The following ABCB1 variants were observed in gnomAD, a reference collection of about 807,000 sequenced individuals.
The protein encoded by ABCB1 is ATP binding cassette subfamily B member 1.
In ABCB1, 69 loss-of-function variants were observed where a neutral mutation model predicts 142.0. That is an observed-to-expected ratio of 0.49 (90% CI 0.40 to 0.59). The LOEUF is 0.59. Ranked by LOEUF, ABCB1 falls within the 20% of genes least tolerant of loss-of-function variation. ABCB1 has a pLI of 0.00. For synonymous variants in ABCB1, 532 were observed against 539.2 expected, an observed-to-expected ratio of 0.99 and a Z score of 0.18; for missense variants, 1,326 against 1,554.7, an observed-to-expected ratio of 0.85 and a Z score of 2.47.
At chr7:87,679,653 G>A (rs1237585874) in intron 1 of ABCB1, among the ~76,000 whole-genome samples, 1 of 150,250 alleles carries the variant, frequency 6.7e-6, no homozygotes, top group Non-Finnish European at 1.5e-5. Flanking sequence ...GCCTTTCAAA[G>A]TGCTGAGATT....
chr7:87,640,186 A>G (rs928887217), intron 1 of ABCB1, among the ~76,000 whole-genome samples: 1 of 148,536 alleles, frequency 6.7e-6, no homozygotes, highest in Non-Finnish European at 1.5e-5. Context: ...ACTTATATAT[A>G]TATGTGTATA....
At chr7:87,646,787 G>T (rs1823047165) in intron 1 of ABCB1, among the ~76,000 whole-genome samples, 1 of 152,112 alleles carries the variant, frequency 6.6e-6, no homozygotes, top group Admixed American at 6.5e-5. Context: ...ATGGACGTAG[G>T]AAATAAAAGT....
At position 87,503,896 on chromosome 7, in the gene ABCB1, T is replaced by C. The variant is rs1476471625; in HGVS notation, c.*347A>G. On this transcript the variant is annotated 3_prime_UTR_variant, in exon 28 of 28. Transcript: ENST00000622132. ...AAGTTTAGTTTTATTATAGACACTT[T>C]ATGCAAACATTTCAATACTTTTTGC... is the stretch of plus-strand genomic sequence containing the variant. The C allele has an allele frequency of 2.8e-5, 9 of 326,076 alleles. No individual in the cohort carries two copies. Among genetic ancestry groups the C allele is most frequent in the African/African-American group, 1.9e-4 (9 of 47,016 alleles). The allele number at this position is 326,076 out of a possible 1,614,324, so 20.2% of individuals were successfully genotyped here. A position where few individuals can be genotyped will look rare whatever the true frequency, so the allele number is the denominator to read the frequency against.
In ABCB1 at chr7:87,506,164, A is replaced by G. The variant is rs28401819; in HGVS notation, c.3490-121T>C. On this transcript the variant is annotated intron_variant, in intron 26 of 27. Coordinates refer to ENST00000622132, the MANE Select transcript of ABCB1 (RefSeq NM_001348946.2). ...AAAAATTTAGGTTCAGAAGCTAAGA[A>G]TGGTTCATGAATAATTAAGGAAAGA... 1,972 of 978,212 alleles carry G rather than the reference A, an allele frequency of 2.0e-3. 22 individuals are homozygous for G. The African/African-American group carries it at 0.026, about 13-fold the overall frequency. The allele number at this position is 978,212 out of a possible 1,614,324, so 60.6% of individuals were successfully genotyped here. A position where few individuals can be genotyped will look rare whatever the true frequency, so the allele number is the denominator to read the frequency against.
intron 15 of ABCB1, among the ~76,000 whole-genome samples, 185 bp from the exon 16 acceptor site, chr7:87,545,184 A>G (rs1816720608): frequency 6.6e-6 from 1 of 152,108 alleles, no homozygotes; most frequent in South Asian, 2.1e-4. Context: ...GTGATATTTG[A>G]AAACGAAAAC....
At position 87,659,994 on chromosome 7, in the gene ABCB1, C is replaced by G. The variant is rs28381748; in HGVS notation, c.-331+53167G>C. On this transcript the variant is annotated intron_variant, in intron 1 of 28. Coordinates refer to the ABCB1 transcript ENST00000265724. ...TCATATATTGTTTTAATCTACTTTG[C>G]CAGATTTAGGATTTCGGTTTGATAA... 1.4e-3 allele frequency among the ~76,000 whole-genome samples: 218 copies of G among 152,108 alleles called. 2 individuals are homozygous for G. Among genetic ancestry groups the G allele is most frequent in the African/African-American group, 5.1e-3 (210 of 41,502 alleles).
At chr7:87,580,759 G>T (rs1818471773) in intron 4 of ABCB1, among the ~76,000 whole-genome samples, 1 of 151,880 alleles carries the variant, frequency 6.6e-6, no homozygotes, top group Non-Finnish European at 1.5e-5. Flanking sequence ...TGTCTCCTCT[G>T]AGTGTGTGTA....
intron 23 of ABCB1, chr7:87,519,068 T>A: frequency 1.9e-6 from 1 of 529,174 alleles, no homozygotes. Flanking sequence ...AATCTCCGAA[T>A]GGAATCACTC....
At chr7:87,553,733 G>T in intron 9 of ABCB1, 28 bp downstream of exon 9, 2 of 1,601,474 alleles carry the variant, frequency 1.2e-6, no homozygotes, top group Non-Finnish European at 1.7e-6. Context: ...TTATAATAAT[G>T]GTTCATTTCT....
intron 1 of ABCB1, among the ~76,000 whole-genome samples, chr7:87,699,435 G>T (rs1828809293): frequency 6.6e-6 from 1 of 151,964 alleles, no homozygotes; most frequent in Non-Finnish European, 1.5e-5. Flanking sequence ...ACAGAGTCCT[G>T]CTCTGTCACT....
intron 1 of ABCB1, among the ~76,000 whole-genome samples, chr7:87,706,287 T>A (rs1280721927): frequency 6.7e-6 from 1 of 148,228 alleles, no homozygotes; most frequent in Non-Finnish European, 1.5e-5. Flanking sequence ...TACTTGAGAG[T>A]TTTTTTTTTA....
At chr7:87,643,327 C>CT (rs972654957) in intron 1 of ABCB1, among the ~76,000 whole-genome samples, 2 of 151,942 alleles carry the variant, frequency 1.3e-5, no homozygotes, top group South Asian at 2.1e-4. Context: ...ATGGTTGGGA[C>CT]TTTTTTTGGT....
In ABCB1 at chr7:87,710,679, T is replaced by C. The variant is rs766986296; in HGVS notation, c.-331+2482A>G. On this transcript the variant is annotated intron_variant, in intron 1 of 28. Coordinates refer to the ABCB1 transcript ENST00000265724. ...AGGTTTAAAAGTCCTTTTAATTTTC[T>C]AATATATATTTGAAAGAATCACCTG... The C allele has an allele frequency of 3.1e-6, 4 of 1,282,828 alleles. No homozygotes were observed. In the South Asian group the frequency reaches 5.2e-5, roughly 17 times the overall value. The allele number at this position is 1,282,828 out of a possible 1,614,324, so 79.5% of individuals were successfully genotyped here.
chr7:87,544,799 C>T (rs1353988860), intron 16 of ABCB1, 24 bp downstream of exon 16: 1 of 1,613,532 alleles, frequency 6.2e-7, no homozygotes, highest in Admixed American at 1.7e-5. Flanking sequence ...GAGATTAAAA[C>T]AAACTCCGCA....
At chr7:87,612,371 C>T (rs528815002) in intron 1 of ABCB1, among the ~76,000 whole-genome samples, 1 of 152,178 alleles carries the variant, frequency 6.6e-6, no homozygotes, top group East Asian at 1.9e-4. Context: ...CCTAGGTTTC[C>T]TTCTAGAATT....
intron 24 of ABCB1, 49 bp from the exon 25 acceptor site, chr7:87,515,477 T>C (rs1442097190): frequency 1.3e-6 from 2 of 1,547,738 alleles, no homozygotes; most frequent in African/African-American, 2.7e-5. Context: ...ATACTGAAAA[T>C]AAAGTGTATA....
chr7:87,615,035 C>T (rs1339827540), intron 1 of ABCB1, among the ~76,000 whole-genome samples: 3 of 152,020 alleles, frequency 2.0e-5, no homozygotes, highest in South Asian at 2.1e-4. Flanking sequence ...TTAGTAGAGA[C>T]GGGGTTTCAC....
chr7:87,533,912 G>A (rs1816170213), intron 20 of ABCB1, among the ~76,000 whole-genome samples: 1 of 152,086 alleles, frequency 6.6e-6, no homozygotes, highest in Non-Finnish European at 1.5e-5. Flanking sequence ...AAACAGTTTT[G>A]CTTGAGTGGC....
intron 1 of ABCB1, among the ~76,000 whole-genome samples, chr7:87,691,628 GTTTA>G (rs1340756227): frequency 6.6e-6 from 1 of 152,108 alleles, no homozygotes; most frequent in Non-Finnish European, 1.5e-5. Flanking sequence ...TCATACGCTT[GTTTA>G]TTTAAAGAGC....
Sources: gnomAD v4.1 joint callset for allele counts (sites outside exome capture counted in the v4.1 genomes callset) on GRCh38, gnomAD v4.1.1 for gene constraint, MANE v1.5 for transcripts, NCBI Gene and HGNC (gene_info 2026-07-23, HGNC 2026-07-21) for gene names.